RBFOX2: variants seen among roughly 807,000 people sequenced by gnomAD.
RBFOX2 encodes the protein RNA binding protein fox-1 homolog 2.
A neutral mutation model predicts 49.1 loss-of-function variants in RBFOX2; 10 were observed. The observed-to-expected ratio is 0.20, with a 90% confidence interval of 0.13 to 0.35. The LOEUF (loss-of-function observed/expected upper bound fraction) is 0.35, where lower values mean the gene tolerates loss of function less well. Ranked by LOEUF, RBFOX2 falls within the 10% of genes least tolerant of loss-of-function variation. The pLI, the probability that RBFOX2 is intolerant of heterozygous loss-of-function variation, is 1.00. For synonymous variants in RBFOX2, 183 were observed against 187.4 expected (o/e 0.98, Z 0.19); for missense variants, 323 against 486.9 (o/e 0.66, Z 3.17).
intron 1 of RBFOX2, among the ~76,000 whole-genome samples, chr22:35,971,178 T>G (rs1051334024): frequency 6.6e-6 from 1 of 152,112 alleles, no homozygotes; most frequent in African/African-American, 2.4e-5. Flanking sequence ...TATGCTCCCC[T>G]GGCAACAATA....
intron 1 of RBFOX2, among the ~76,000 whole-genome samples, chr22:35,949,872 C>G (rs1372688232): frequency 6.6e-6 from 1 of 152,142 alleles, no homozygotes; most frequent in Non-Finnish European, 1.5e-5. Context: ...TGCCTTTTCA[C>G]TCTGTTAATA....
intron 1 of RBFOX2, among the ~76,000 whole-genome samples, chr22:35,950,643 G>A (rs756532057): frequency 2.0e-5 from 3 of 152,148 alleles, no homozygotes; most frequent in Admixed American, 6.5e-5. Context: ...GCTGGTATAA[G>A]TCCATAGGGA....
At chr22:35,769,272 G>T (rs573411108) in intron 4 of RBFOX2, among the ~76,000 whole-genome samples, 53 of 152,216 alleles carry the variant, frequency 3.5e-4, no homozygotes, top group African/African-American at 1.2e-3. Flanking sequence ...GTAGAAAAAG[G>T]ATATCAGAAA....
At chr22:35,744,530 C>T (rs926857004) in intron 11 of RBFOX2, among the ~76,000 whole-genome samples, 3 of 152,200 alleles carry the variant, frequency 2.0e-5, no homozygotes, top group Non-Finnish European at 1.5e-5. Context: ...GGAAACAATA[C>T]ACAGTTGAAA....
intron 1 of RBFOX2, among the ~76,000 whole-genome samples, chr22:35,915,284 T>G (rs1485658764): frequency 6.6e-6 from 1 of 152,228 alleles, no homozygotes; most frequent in African/African-American, 2.4e-5. Flanking sequence ...TTGGGAAGTC[T>G]GCCCAAGTTA....
At chr22:35,801,292 A>T (rs531194894) in intron 2 of RBFOX2, among the ~76,000 whole-genome samples, 1 of 152,168 alleles carries the variant, frequency 6.6e-6, no homozygotes, top group Non-Finnish European at 1.5e-5. Flanking sequence ...TTTTTAATTG[A>T]TGAGTAATCA....
At chr22:35,916,694 G>A (rs183968437) in intron 1 of RBFOX2, among the ~76,000 whole-genome samples, 115 of 152,070 alleles carry the variant, frequency 7.6e-4, no homozygotes, top group Non-Finnish European at 1.4e-3. Context: ...TCAGAAGCTC[G>A]AGACCAGCCT....
chr22:35,849,979 C>A (rs919661391), intron 1 of RBFOX2, among the ~76,000 whole-genome samples: 2 of 152,098 alleles, frequency 1.3e-5, no homozygotes, highest in African/African-American at 4.8e-5. Context: ...GGGAAGGGAA[C>A]ACAGGCTCCT....
chr22:35,747,507 A>AAT (rs1449227083), intron 9 of RBFOX2: 1 of 152,244 alleles, frequency 6.6e-6, no homozygotes, highest in Non-Finnish European at 1.5e-5. Flanking sequence ...AGATAACTCA[A>AAT]ATATACAAAA....
intron 2 of RBFOX2, among the ~76,000 whole-genome samples, chr22:35,784,516 T>A (rs1420301112): frequency 6.6e-6 from 1 of 152,226 alleles, no homozygotes; most frequent in East Asian, 1.9e-4. Context: ...CAGCCTTTGC[T>A]GTCCACGCAG....
In RBFOX2 at chr22:35,749,111, T is replaced by C. The variant is rs2145890498; in HGVS notation, c.888-2550A>G. 6.6e-6 allele frequency among the ~76,000 whole-genome samples: 1 copy of C among 152,332 alleles called. No individual in the cohort carries two copies. The highest frequency in any genetic ancestry group is 1.5e-5 in the Non-Finnish European group (1 of 68,024). On this transcript the variant is annotated intron_variant, in intron 9 of 11. Transcript: ENST00000405409. The surrounding 1 kb of genome is among the most constrained non-coding windows in gnomAD (Gnocchi z 4.1). ...TCAGACTATGGAAAAGAATCTTCCT[T>C]CCAATCCAGAAGGAGATGGAGAGAA...
At chr22:35,998,197 A>T (rs1230982405) in intron 1 of RBFOX2, 2 of 152,086 alleles carry the variant, frequency 1.3e-5, no homozygotes, top group Admixed American at 6.5e-5. Flanking sequence ...CTTTCCCACC[A>T]ATACAATAGC....
upstream of RBFOX2, among the ~76,000 whole-genome samples, chr22:35,943,865 A>G (rs1375705183): frequency 2.0e-5 from 3 of 152,364 alleles, no homozygotes; most frequent in East Asian, 5.8e-4. Context: ...AGATCGCGCC[A>G]CTGCACTCCA....
intron 1 of RBFOX2, among the ~76,000 whole-genome samples, chr22:35,893,707 C>A (rs889548688): frequency 6.6e-6 from 1 of 152,084 alleles, no homozygotes; most frequent in Non-Finnish European, 1.5e-5. Flanking sequence ...GAAAAGCAGC[C>A]CCTCCGAACA....
chr22:36,005,139 A>T (rs531821888), intron 1 of RBFOX2, among the ~76,000 whole-genome samples: 1 of 152,290 alleles, frequency 6.6e-6, no homozygotes, highest in East Asian at 1.9e-4. Context: ...TACGGGGAAA[A>T]ACAGCTCTCT....
chr22:36,027,762 GTTTTC>G (rs1220906832), intron 1 of RBFOX2, among the ~76,000 whole-genome samples: 1 of 152,180 alleles, frequency 6.6e-6, no homozygotes, highest in Non-Finnish European at 1.5e-5. Flanking sequence ...CTCTCGAGGA[GTTTTC>G]TTTTCACTCC....
chr22:35,849,049 A>G (rs903666779), intron 1 of RBFOX2, among the ~76,000 whole-genome samples: 1 of 152,170 alleles, frequency 6.6e-6, no homozygotes, highest in Admixed American at 6.5e-5. Context: ...AAGTTAACAA[A>G]TAAGATGTTA....
At chr22:36,009,205 A>G (rs532050519) in intron 1 of RBFOX2, among the ~76,000 whole-genome samples, 1 of 152,332 alleles carries the variant, frequency 6.6e-6, no homozygotes, top group South Asian at 2.1e-4. Context: ...GTGCTATAAC[A>G]ACCACCATAA....
chr22:35,895,077 C>CCT (rs967980077), intron 1 of RBFOX2, among the ~76,000 whole-genome samples: 18 of 150,296 alleles, frequency 1.2e-4, no homozygotes, highest in South Asian at 2.1e-4. Context: ...TCCGTCCCTC[C>CCT]CTCTCTCTCT....
Sources: gnomAD v4.1 joint callset for allele counts (sites outside exome capture counted in the v4.1 genomes callset) on GRCh38, gnomAD v4.1.1 for gene constraint, Gnocchi (gnomAD v3.1) non-coding constraint, MANE v1.5 for transcripts, NCBI Gene and HGNC (gene_info 2026-07-23, HGNC 2026-07-21) for gene names.